DPP6: variants seen among roughly 807,000 people sequenced by gnomAD.
The protein encoded by DPP6 is dipeptidyl peptidase like 6, also known as A-type potassium channel modulatory protein DPP6.
DPP6 carries 69 observed loss-of-function variants against 122.6 expected under a neutral mutation model. The ratio of observed to expected loss-of-function variants is 0.56; its 90% CI spans 0.46 to 0.69. DPP6 has a LOEUF of 0.69. DPP6 is among the 30% of genes least tolerant of loss of function. DPP6 has a pLI of 0.00. For synonymous variants in DPP6, 418 were observed against 433.1 expected, an observed-to-expected ratio of 0.97 and a Z score of 0.43; for missense variants, 928 against 1,116.9, an observed-to-expected ratio of 0.83 and a Z score of 2.41.
chr7:154,849,508 T>A (rs572925943), intron 16 of DPP6, among the ~76,000 whole-genome samples: 1 of 152,356 alleles, frequency 6.6e-6, no homozygotes, highest in African/African-American at 2.4e-5. Context: ...CTGATTTTTG[T>A]GTTGCATTGT....
intron 4 of DPP6, among the ~76,000 whole-genome samples, chr7:154,545,300 T>G (rs2130310694): frequency 6.6e-6 from 1 of 152,282 alleles, no homozygotes; most frequent in East Asian, 1.9e-4. Context: ...TCCTAAAAAA[T>G]GAACCACCAC....
chr7:153,811,665 C>G, the DPP6 span, among the ~76,000 whole-genome samples: 2 of 152,030 alleles, frequency 1.3e-5, no homozygotes, highest in Non-Finnish European at 2.9e-5. Flanking sequence ...CCATGAGTCT[C>G]AATTCCTCAT....
intron 1 of DPP6, among the ~76,000 whole-genome samples, chr7:154,085,413 A>G (rs1187200039): frequency 6.6e-6 from 1 of 152,200 alleles, no homozygotes; most frequent in East Asian, 1.9e-4. Context: ...AATAGTGATG[A>G]GTCATTAATG....
At chr7:154,487,351 C>T (rs1199480306) in intron 3 of DPP6, among the ~76,000 whole-genome samples, 4 of 152,144 alleles carry the variant, frequency 2.6e-5, no homozygotes, top group African/African-American at 4.8e-5. Context: ...AAGACCCCGC[C>T]GTACTCAGCC....
rs761046571 is a variant in DPP6, at chr7:154,880,921, G to A, written c.2112G>A (p.Thr704=). ...TMLKEQYIDR[T]RVAVFGKDYG... Reference sequence around the variant, plus strand: ...TGAAGGAGCAGTACATTGACAGGACGCGCGTGGCCGTGTTTGGGAAGGTGA... The same window carrying A: ...TGAAGGAGCAGTACATTGACAGGACACGCGTGGCCGTGTTTGGGAAGGTGA... Residue 704 remains threonine (T), a synonymous_variant, in exon 21 of 26, where the codon ACG becomes ACA. Transcript: ENST00000377770. 21 of 1,613,920 alleles carry A rather than the reference G, an allele frequency of 1.3e-5. No individual in the cohort carries two copies. The highest frequency in any genetic ancestry group is 2.2e-5 in the East Asian group (1 of 44,852).
At chr7:154,703,367 C>T (rs1439478839) in intron 7 of DPP6, among the ~76,000 whole-genome samples, 1 of 151,884 alleles carries the variant, frequency 6.6e-6, no homozygotes, top group African/African-American at 2.4e-5. Flanking sequence ...GCCTGTAATC[C>T]CAGCACTTTG....
At chr7:154,148,623 G>A (rs1284753036) in intron 1 of DPP6, among the ~76,000 whole-genome samples, 18 of 152,280 alleles carry the variant, frequency 1.2e-4, no homozygotes, top group Admixed American at 2.6e-4. Context: ...TCTGTCACGC[G>A]TGATGCTCAC....
At chr7:153,960,361 C>T (rs1334526293) in intron 1 of DPP6, among the ~76,000 whole-genome samples, 1 of 151,976 alleles carries the variant, frequency 6.6e-6, no homozygotes, top group Non-Finnish European at 1.5e-5. Context: ...AATTCAAAGG[C>T]CTAGTTTTAG....
intron 1 of DPP6, among the ~76,000 whole-genome samples, chr7:154,386,004 T>C (rs1814073460): frequency 6.6e-6 from 1 of 152,156 alleles, no homozygotes; most frequent in Admixed American, 6.5e-5. Context: ...GATATCATTC[T>C]TCCAGAAAGC....
rs2533810 is a variant in DPP6, at chr7:154,027,341, G to A, written c.51+139607G>A. 1.2e-4 allele frequency among the ~76,000 whole-genome samples: 18 copies of A among 152,136 alleles called. No individual in the cohort carries two copies. The East Asian group carries it at 3.3e-3, about 28-fold the overall frequency. On this transcript the variant is annotated intron_variant, in intron 1 of 25. Transcript: ENST00000404039. The stretch of plus-strand genomic sequence containing the variant: ...ATGTTAACTTACTTGATTCTTCAGA[G>A]TTTGCTTATTATAGCCATCACTTTC...
chr7:154,395,139 C>A (rs911904057), intron 1 of DPP6, among the ~76,000 whole-genome samples: 6 of 152,106 alleles, frequency 3.9e-5, no homozygotes, highest in Non-Finnish European at 2.9e-5. Flanking sequence ...ATAGATGGTG[C>A]CTTCTCTCTG....
chr7:153,990,909 CAT>C (rs1797145200), intron 1 of DPP6, among the ~76,000 whole-genome samples: 1 of 152,208 alleles, frequency 6.6e-6, no homozygotes, highest in African/African-American at 2.4e-5. Context: ...CTGTTCAAAT[CAT>C]ATGTCTCTTC....
intron 8 of DPP6, among the ~76,000 whole-genome samples, chr7:154,747,774 C>T (rs953026202): frequency 6.6e-6 from 1 of 152,260 alleles, no homozygotes; most frequent in Non-Finnish European, 1.5e-5. Context: ...CTCAGCAATG[C>T]GGAGACGGTG....
rs1023358307 is a variant in DPP6 at position 154,484,029 on chromosome 7, G to A, written c.457+8992G>A. On this transcript the variant is annotated intron_variant, in intron 3 of 25. Transcript: ENST00000377770. ...TTATTTATGTTTGCAATTCACACAA[G>A]GTCAAGGTTACTTACACTTACAAGG... is the stretch of plus-strand genomic sequence containing the variant. Among the ~76,000 whole-genome samples, 3 of 152,132 alleles carry A rather than the reference G, an allele frequency of 2.0e-5. No homozygotes were observed. The East Asian group carries it at 5.8e-4, about 29-fold the overall frequency.
chr7:153,956,873 T>C (rs1429751108), intron 1 of DPP6, among the ~76,000 whole-genome samples: 1 of 152,196 alleles, frequency 6.6e-6, no homozygotes, highest in Non-Finnish European at 1.5e-5. Context: ...GAAGGGTCAT[T>C]ATCTGGAATC....
At chr7:153,901,915 G>T (rs915153079) in intron 1 of DPP6, among the ~76,000 whole-genome samples, 4 of 152,174 alleles carry the variant, frequency 2.6e-5, no homozygotes, top group African/African-American at 7.2e-5. Context: ...GAGGGGAGGC[G>T]TGTTGAAGTT....
intron 7 of DPP6, among the ~76,000 whole-genome samples, chr7:154,674,241 T>C (rs914766315): frequency 6.6e-6 from 1 of 152,212 alleles, no homozygotes; most frequent in Non-Finnish European, 1.5e-5. Context: ...TGTCTGTTTA[T>C]GGGAGGTTTT....
intron 1 of DPP6, among the ~76,000 whole-genome samples, chr7:154,252,216 G>GTC: frequency 8.5e-6 from 1 of 117,536 alleles, no homozygotes. Flanking sequence ...AATGTCACGT[G>GTC]TGTGTGTGTG....
At chr7:154,307,033 A>G (rs1806407809) in intron 1 of DPP6, among the ~76,000 whole-genome samples, 2 of 152,226 alleles carry the variant, frequency 1.3e-5, no homozygotes, top group Admixed American at 6.5e-5. Context: ...CTCAGGTAGC[A>G]TCCCTGACCA....
Sources: gnomAD v4.1 joint callset for allele counts (sites outside exome capture counted in the v4.1 genomes callset) on GRCh38, gnomAD v4.1.1 for gene constraint, MANE v1.5 for transcripts, NCBI Gene and HGNC (gene_info 2026-07-23, HGNC 2026-07-21) for gene names.